The following BAIAP2 variants were observed in gnomAD, a reference collection of about 807,000 sequenced individuals.
BAIAP2 encodes the protein BAR/IMD domain-containing adapter protein 2.
In BAIAP2, 18 loss-of-function variants were observed where a neutral mutation model predicts 63.0. The ratio of observed to expected loss-of-function variants is 0.29; its 90% CI spans 0.20 to 0.42. The LOEUF (loss-of-function observed/expected upper bound fraction) is 0.42, where lower values mean the gene tolerates loss of function less well. Among genes scored for constraint, BAIAP2 ranks in the 10% least tolerant of loss-of-function variants. BAIAP2 has a pLI of 1.00. For synonymous variants in BAIAP2, 386 were observed against 307.6 expected (o/e 1.25, Z -2.67); for missense variants, 610 against 734.3 (o/e 0.83, Z 1.96).
At chr17:81,044,858 A>G (rs1303799766) in intron 1 of BAIAP2, among the ~76,000 whole-genome samples, 1 of 152,264 alleles carries the variant, frequency 6.6e-6, no homozygotes, top group Non-Finnish European at 1.5e-5. Flanking sequence ...AGTGCTGGCC[A>G]CAGGCGAAAG....
chr17:81,106,838 C>G lies in BAIAP2; in HGVS notation c.1431C>G (p.Ala477=). ...PPPDYGAASR[A]FPAQTASGFK... ...CCGATTACGGCGCCGCCTCCCGGGC[C>G]TTCCCCGCCCAGACGGCCAGCGGCT... Residue 477 remains alanine (A), a synonymous_variant, in exon 12 of 14, where the codon GCC becomes GCG. Coordinates refer to ENST00000428708, the MANE Select transcript of BAIAP2 (RefSeq NM_001144888.2). The G allele has an allele frequency of 6.2e-7, 1 of 1,610,542 alleles. No homozygotes were observed. The highest frequency in any genetic ancestry group is 8.5e-7 in the Non-Finnish European group (1 of 1,178,758).
intron 3 of BAIAP2, among the ~76,000 whole-genome samples, chr17:81,069,491 G>A (rs1431250338): frequency 6.6e-6 from 1 of 152,204 alleles, no homozygotes; most frequent in Non-Finnish European, 1.5e-5. Flanking sequence ...CTGGCTTCTC[G>A]GCGGCCCCCG....
chr17:81,117,116 C>CCACA lies in BAIAP2; in HGVS notation c.*1282_*1285dup, dbSNP rs1327635416. 1 of 152,294 alleles carries CCACA rather than the reference C, an allele frequency of 6.6e-6. No homozygotes were observed. The highest frequency in any genetic ancestry group is 2.4e-5 in the African/African-American group (1 of 41,442). The allele number at this position is 152,294 out of a possible 1,614,324, so 9.4% of individuals were successfully genotyped here. ...CCTGCAGGGCGCTACCCCTGCGCCC[C>CCACA]CACACACAGTAGGGCCAGAACACCA... On this transcript the variant is annotated 3_prime_UTR_variant, in exon 14 of 14. Coordinates refer to ENST00000428708, the MANE Select transcript of BAIAP2 (RefSeq NM_001144888.2).
At chr17:81,095,546 A>G (rs2057473404) in intron 6 of BAIAP2, among the ~76,000 whole-genome samples, 1 of 152,134 alleles carries the variant, frequency 6.6e-6, no homozygotes, top group Non-Finnish European at 1.5e-5. Flanking sequence ...TGTCATTCCT[A>G]GACAGAGTGG....
At chr17:81,065,295 T>G (rs1004904734) in intron 3 of BAIAP2, among the ~76,000 whole-genome samples, 40 of 152,212 alleles carry the variant, frequency 2.6e-4, no homozygotes, top group Non-Finnish European at 5.3e-4. Context: ...GAAGCAGTGC[T>G]GTGCCCGTCC....
intron 3 of BAIAP2, among the ~76,000 whole-genome samples, chr17:81,077,116 C>T (rs541190930): frequency 1.3e-5 from 2 of 152,328 alleles, no homozygotes; most frequent in African/African-American, 4.8e-5. Flanking sequence ...CACAGAGATG[C>T]CGTGAGACTG....
intron 8 of BAIAP2, 37 bp from the exon 9 acceptor site, chr17:81,103,870 G>T: frequency 6.2e-7 from 1 of 1,609,080 alleles, no homozygotes. Flanking sequence ...CCCGGGGTGG[G>T]CTCCAGCAAC....
chr17:81,101,844 A>G (rs1271070853), intron 7 of BAIAP2, among the ~76,000 whole-genome samples: 2 of 152,232 alleles, frequency 1.3e-5, no homozygotes, highest in South Asian at 2.1e-4. Context: ...CAGCGGTGAC[A>G]GGCTGTGCTG....
At chr17:81,043,970 C>G (rs1332284227) in intron 1 of BAIAP2, among the ~76,000 whole-genome samples, 6 of 152,238 alleles carry the variant, frequency 3.9e-5, no homozygotes, top group Non-Finnish European at 8.8e-5. Context: ...TGGCCACGAT[C>G]GCTAGCTTGT....
At chr17:81,075,645 C>G (rs138158188) in intron 3 of BAIAP2, among the ~76,000 whole-genome samples, 1 of 152,218 alleles carries the variant, frequency 6.6e-6, no homozygotes, top group South Asian at 2.1e-4. Flanking sequence ...ACCCTACCTC[C>G]ACCTGTCCAC....
chr17:81,046,225 C>T lies in BAIAP2; in HGVS notation c.55-7443C>T, dbSNP rs1205962581. Among the ~76,000 whole-genome samples, 2 of 152,128 alleles carry T rather than the reference C, an allele frequency of 1.3e-5. No individual in the cohort carries two copies. Among genetic ancestry groups the T allele is most frequent in the Non-Finnish European group, 2.9e-5 (2 of 67,998 alleles). On this transcript the variant is annotated intron_variant, in intron 1 of 13. Coordinates refer to ENST00000428708, the MANE Select transcript of BAIAP2 (RefSeq NM_001144888.2). This position sits in a 1 kb window ranked among gnomAD's most constrained non-coding sequence, Gnocchi z 4.5. ...CCCACCTTCAGGCCCCCGTCCTAAC[C>T]CTGCGCGCCGTTTCCTCCCAGAAAC...
In BAIAP2 at chr17:81,075,125, C is replaced by T. The variant is rs543415576; in HGVS notation, c.218-9707C>T. On this transcript the variant is annotated intron_variant, in intron 3 of 13. Coordinates refer to ENST00000428708, the MANE Select transcript of BAIAP2 (RefSeq NM_001144888.2). ...AGCCAGCCTCGGCTCAGCTCACCCACAGAGCTGTCTCCAGCCACATTTGCA... is the reference window on the plus strand; with the variant it reads ...AGCCAGCCTCGGCTCAGCTCACCCATAGAGCTGTCTCCAGCCACATTTGCA... Among the ~76,000 whole-genome samples, 4 of 152,364 alleles carry T rather than the reference C, an allele frequency of 2.6e-5. No individual in the cohort carries two copies. The South Asian group carries it at 8.3e-4, about 32-fold the overall frequency.
intron 1 of BAIAP2, among the ~76,000 whole-genome samples, chr17:81,036,554 C>G (rs982342940): frequency 6.6e-6 from 1 of 152,212 alleles, no homozygotes; most frequent in African/African-American, 2.4e-5. Context: ...GCCGATTGCA[C>G]TTGAATACAG....
At chr17:81,053,624 G>T (rs1455555179) in intron 1 of BAIAP2, 44 bp from the exon 2 acceptor site, 1 of 1,609,918 alleles carries the variant, frequency 6.2e-7, no homozygotes, top group Admixed American at 1.7e-5. Context: ...AGTCACCAGG[G>T]TGACCTCTGC....
intron 3 of BAIAP2, among the ~76,000 whole-genome samples, chr17:81,080,553 A>AGAAG (rs2054434781): frequency 6.6e-6 from 1 of 151,558 alleles, no homozygotes; most frequent in Admixed American, 6.6e-5. Context: ...GAACCCCCTG[A>AGAAG]GAAGCTCCAC....
intron 13 of BAIAP2, chr17:81,110,301 C>G: frequency 1.0e-6 from 1 of 986,216 alleles, no homozygotes; most frequent in Non-Finnish European, 1.2e-6. Context: ...TGTGTAGAGA[C>G]CCTTCCGCGC....
intron 3 of BAIAP2, among the ~76,000 whole-genome samples, chr17:81,074,300 G>A (rs975202953): frequency 6.6e-6 from 1 of 152,066 alleles, no homozygotes; most frequent in African/African-American, 2.4e-5. Context: ...GCATGGATAC[G>A]TGTGAGTGCC....
intron 11 of BAIAP2, 64 bp from the exon 12 acceptor site, chr17:81,106,681 C>T (rs2059221951): frequency 1.5e-5 from 24 of 1,596,898 alleles, no homozygotes; most frequent in Non-Finnish European, 2.1e-5. Context: ...CAGGGAGCCA[C>T]AGGGTTGTGG....
At chr17:81,042,918 C>A (rs921262727) in intron 1 of BAIAP2, among the ~76,000 whole-genome samples, 1 of 151,970 alleles carries the variant, frequency 6.6e-6, no homozygotes, top group Non-Finnish European at 1.5e-5. Context: ...GAGTCTTGTT[C>A]TGTCACCCAG....
Sources: allele counts gnomAD v4.1 joint callset (sites outside exome capture counted in the v4.1 genomes callset), GRCh38; gene constraint gnomAD v4.1.1; non-coding constraint Gnocchi (gnomAD v3.1); transcripts MANE v1.5; gene names NCBI Gene and HGNC (gene_info 2026-07-23, HGNC 2026-07-21).